The following MAGI3 variants were observed in gnomAD, a reference collection of about 807,000 sequenced individuals.
MAGI3 encodes membrane associated guanylate kinase, WW and PDZ domain containing 3.
MAGI3 carries 43 observed loss-of-function variants against 121.8 expected under a neutral mutation model. The ratio of observed to expected loss-of-function variants is 0.35; its 90% CI spans 0.28 to 0.46. The LOEUF (loss-of-function observed/expected upper bound fraction) is 0.46. MAGI3 is among the 20% of genes least tolerant of loss of function. MAGI3 has a pLI of 1.00. For missense variants in MAGI3, 1,547 were observed against 1,797.3 expected (o/e 0.86, Z 2.52); for synonymous variants, 553 against 639.3 (o/e 0.86, Z 2.04).
chr1:113,402,014 T>G (rs1319364363), intron 1 of MAGI3, among the ~76,000 whole-genome samples: 1 of 152,166 alleles, frequency 6.6e-6, no homozygotes, highest in Non-Finnish European at 1.5e-5. Flanking sequence ...CAATCCAATC[T>G]TAGTATATGG....
intron 1 of MAGI3, among the ~76,000 whole-genome samples, chr1:113,400,863 G>A (rs920183533): frequency 2.6e-5 from 4 of 152,060 alleles, no homozygotes; most frequent in Non-Finnish European, 5.9e-5. Context: ...ACAATGTAAT[G>A]CTGATGACTG....
intron 1 of MAGI3, among the ~76,000 whole-genome samples, chr1:113,488,092 C>A (rs952323654): frequency 1.3e-5 from 2 of 151,738 alleles, no homozygotes; most frequent in Admixed American, 1.3e-4. Flanking sequence ...TTTTTTCTTG[C>A]TTTTTTTTAC....
chr1:113,624,471 C>A (rs1651094021), intron 9 of MAGI3, among the ~76,000 whole-genome samples: 1 of 152,150 alleles, frequency 6.6e-6, no homozygotes, highest in Non-Finnish European at 1.5e-5. Context: ...GACCTGAGCA[C>A]TTATTCATAT....
At chr1:113,416,338 C>T (rs757621529) in intron 1 of MAGI3, among the ~76,000 whole-genome samples, 12,791 of 52,538 alleles carry the variant, frequency 0.24, 1,687 homozygotes, top group Non-Finnish European at 0.3. Context: ...ATATATCAAT[C>T]ATATATTAAT....
chr1:113,609,149 A>G (rs976146525), intron 6 of MAGI3, among the ~76,000 whole-genome samples: 1 of 152,066 alleles, frequency 6.6e-6, no homozygotes, highest in Non-Finnish European at 1.5e-5. Flanking sequence ...TTTCCTCTCT[A>G]CACTTTGTCT....
At position 113,674,391 on chromosome 1, in the gene MAGI3, T is replaced by TAA. The variant is rs35665087; in HGVS notation, c.3189+942_3189+943dup. Among the ~76,000 whole-genome samples the TAA allele has an allele frequency of 9.7e-5, 12 of 124,262 alleles. No individual in the cohort carries two copies. The East Asian group carries it at 1.6e-3, about 16-fold the overall frequency. 81.5% of individuals were successfully genotyped at this position (124,262 alleles called of 152,430 possible). ...TGGGCAACAAGAGCAAAACTCCATTTAAAAAAAAAAAAAAAAAGACATTTG... is the reference window on the plus strand; with the variant it reads ...TGGGCAACAAGAGCAAAACTCCATTTAAAAAAAAAAAAAAAAAAAGACATTTG... On this transcript the variant is annotated intron_variant, in intron 19 of 20. Coordinates refer to ENST00000307546, the MANE Select transcript of MAGI3 (RefSeq NM_001142782.2).
At chr1:113,632,153 A>T (rs922835560) in intron 9 of MAGI3, among the ~76,000 whole-genome samples, 5 of 152,234 alleles carry the variant, frequency 3.3e-5, no homozygotes, top group African/African-American at 1.2e-4. Context: ...AAAACTTAAA[A>T]TAATCAAGTT....
At chr1:113,542,999 T>C (rs1659361133) in intron 1 of MAGI3, among the ~76,000 whole-genome samples, 1 of 152,066 alleles carries the variant, frequency 6.6e-6, no homozygotes, top group Non-Finnish European at 1.5e-5. Flanking sequence ...TCAAAGGTTA[T>C]CATGAGGAGT....
At chr1:113,590,715 G>T in intron 5 of MAGI3, 57 bp downstream of exon 5, 3 of 1,477,302 alleles carry the variant, frequency 2.0e-6, no homozygotes, top group Admixed American at 2.4e-5. Context: ...GATTGTCTAA[G>T]ATTTTTTTAA....
At chr1:113,629,729 C>CCTCTCTCT (rs374062732) in intron 9 of MAGI3, among the ~76,000 whole-genome samples, 8 of 112,008 alleles carry the variant, frequency 7.1e-5, no homozygotes, top group South Asian at 3.6e-4. Context: ...AGTCAGTCTC[C>CCTCTCTCT]CTCTCTCTCT....
Position 113,685,060 on chromosome 1 carries a change from A to G in MAGI3, c.*1046A>G, listed in dbSNP as rs573114823. 3.3e-5 allele frequency: 5 copies of G among 152,478 alleles called. No individual in the cohort carries two copies. Among genetic ancestry groups the G allele is most frequent in the Admixed American group, 2.0e-4 (3 of 15,300 alleles). The allele number at this position is 152,478 out of a possible 1,614,324, so 9.4% of individuals were successfully genotyped here. A position where few individuals can be genotyped will look rare whatever the true frequency, so the allele number is the denominator to read the frequency against. The stretch of plus-strand genomic sequence containing the variant: ...AGGTGCACAAGCTTGGGTGTTTAAA[A>G]ACAACCTGTGTAGGGTATGCCCAGC... On this transcript the variant is annotated 3_prime_UTR_variant, in exon 21 of 21. Coordinates refer to ENST00000307546, the MANE Select transcript of MAGI3 (RefSeq NM_001142782.2).
chr1:113,578,949 T>C (rs944459159), intron 2 of MAGI3, among the ~76,000 whole-genome samples: 1 of 82,580 alleles, frequency 1.2e-5, no homozygotes. Context: ...TAATTTGTTA[T>C]CATAATCTTT....
Position 113,642,495 on chromosome 1 carries a change from C to T in MAGI3, c.1945C>T (p.Pro649Ser). The T allele has an allele frequency of 6.2e-7, 1 of 1,611,902 alleles. No individual in the cohort carries two copies. Among genetic ancestry groups the T allele is most frequent in the Non-Finnish European group, 8.5e-7 (1 of 1,178,476 alleles). ...GCAGTTTCCAGTAGGTGCTGATGTACCATTGCTTATCTTAAGAGGAGGTAA... is the reference window on the plus strand; with the variant it reads ...GCAGTTTCCAGTAGGTGCTGATGTATCATTGCTTATCTTAAGAGGAGGTAA... ...LKQFPVGADV[P>S]LLILRGGPPS... Residue 649 changes from proline (P) to serine (S), a missense_variant, in exon 10 of 21, where the codon CCA becomes TCA. Physicochemically the swap from Pro to Ser is moderately conservative, Grantham distance 74. Coordinates refer to ENST00000307546, the MANE Select transcript of MAGI3 (RefSeq NM_001142782.2).
intron 16 of MAGI3, among the ~76,000 whole-genome samples, chr1:113,668,225 C>T (rs1647280344): frequency 6.6e-6 from 1 of 152,006 alleles, no homozygotes; most frequent in Non-Finnish European, 1.5e-5. Flanking sequence ...TGCCATAAAC[C>T]TTCAATTTAT....
At chr1:113,464,336 T>A (rs2101524838) in intron 1 of MAGI3, among the ~76,000 whole-genome samples, 1 of 152,282 alleles carries the variant, frequency 6.6e-6, no homozygotes, top group East Asian at 1.9e-4. Flanking sequence ...ATTTCCTTCT[T>A]TTTTGTAGCT....
intron 12 of MAGI3, among the ~76,000 whole-genome samples, chr1:113,649,010 A>T (rs1431436987): frequency 6.6e-6 from 1 of 152,206 alleles, no homozygotes; most frequent in African/African-American, 2.4e-5. Context: ...AAGTGAGAGT[A>T]AATGTTTCTA....
At chr1:113,590,751 T>A (rs1476584671) in intron 5 of MAGI3, 93 bp downstream of exon 5, 2 of 1,118,506 alleles carry the variant, frequency 1.8e-6, no homozygotes, top group Admixed American at 5.6e-5. Flanking sequence ...CATACCTTTT[T>A]CAGAAGACTC....
At chr1:113,611,190 A>C (rs1483854342) in intron 6 of MAGI3, among the ~76,000 whole-genome samples, 1 of 151,110 alleles carries the variant, frequency 6.6e-6, no homozygotes, top group Non-Finnish European at 1.5e-5. Context: ...AGGTTCGAGC[A>C]ATTCTCCTGC....
At chr1:113,446,628 A>G (rs11102636) in intron 1 of MAGI3, among the ~76,000 whole-genome samples, 23,216 of 152,224 alleles carry the variant, frequency 0.15, 2,817 homozygotes, top group East Asian at 0.63. Context: ...TATCCTGTCT[A>G]CAGGAGGCTC....
Sources: allele counts gnomAD v4.1 joint callset (sites outside exome capture counted in the v4.1 genomes callset), GRCh38; gene constraint gnomAD v4.1.1; transcripts MANE v1.5; gene names NCBI Gene and HGNC (gene_info 2026-07-23, HGNC 2026-07-21).